Variants in KIAA1328 observed in about 807,000 individuals in gnomAD.
KIAA1328 encodes the protein KIAA1328, also known as protein hinderin.
A neutral mutation model predicts 68.1 loss-of-function variants in KIAA1328; 52 were observed. The ratio of observed to expected loss-of-function variants is 0.76; its 90% CI spans 0.61 to 0.96. KIAA1328 has a LOEUF of 0.96. Among genes scored for constraint, KIAA1328 ranks in the 40% least tolerant of loss-of-function variants. The pLI, the probability that KIAA1328 is intolerant of heterozygous loss-of-function variation, is 0.00. For synonymous variants in KIAA1328, 232 were observed against 239.4 expected (o/e 0.97, Z 0.28); for missense variants, 641 against 677.6 (o/e 0.95, Z 0.60).
rs549826361 is a variant in KIAA1328, at chr18:37,081,279, G to A, written c.1232+13734G>A. Among the ~76,000 whole-genome samples the A allele has an allele frequency of 7.9e-5, 12 of 152,070 alleles. No individual in the cohort carries two copies. In the East Asian group the frequency reaches 1.5e-3, roughly 20 times the overall value. On this transcript the variant is annotated intron_variant, in intron 7 of 9. Coordinates refer to ENST00000280020, the MANE Select transcript of KIAA1328 (RefSeq NM_020776.3). ...TTACAGGCATGAGCCACCGTGCCCCGCCAGGACATTTTTAATTGAACAGCT... is the reference window on the plus strand; with the variant it reads ...TTACAGGCATGAGCCACCGTGCCCCACCAGGACATTTTTAATTGAACAGCT...
chr18:37,128,494 C>G (rs1416154601), intron 7 of KIAA1328, among the ~76,000 whole-genome samples: 1 of 152,096 alleles, frequency 6.6e-6, no homozygotes, highest in Non-Finnish European at 1.5e-5. Flanking sequence ...AATCACTAAT[C>G]ATACCACACC....
chr18:36,841,288 A>G (rs1194177582), intron 3 of KIAA1328, among the ~76,000 whole-genome samples: 2 of 151,890 alleles, frequency 1.3e-5, no homozygotes, highest in Admixed American at 6.6e-5. Context: ...CCTACTATTC[A>G]TCAGGAAGTA....
intron 7 of KIAA1328, among the ~76,000 whole-genome samples, chr18:37,155,404 C>T (rs2154210568): frequency 6.6e-6 from 1 of 152,264 alleles, no homozygotes; most frequent in African/African-American, 2.4e-5. Context: ...CCCAATCCTC[C>T]TCTGTATTGC....
chr18:36,829,233 C>G, intron 1 of KIAA1328, 37 bp downstream of exon 1: 1 of 1,487,588 alleles, frequency 6.7e-7, no homozygotes, highest in Middle Eastern at 1.8e-4. Flanking sequence ...CGCCGGCGCC[C>G]TCCACGGGAC....
At chr18:36,941,549 T>C (rs1345380000) in intron 5 of KIAA1328, among the ~76,000 whole-genome samples, 3 of 152,116 alleles carry the variant, frequency 2.0e-5, no homozygotes, top group African/African-American at 7.2e-5. Flanking sequence ...GAGCTGAGAC[T>C]GCGCCACTGC....
chr18:36,847,082 T>A lies in KIAA1328; in HGVS notation c.332+2780T>A, dbSNP rs146076033. On this transcript the variant is annotated intron_variant, in intron 4 of 9. Coordinates refer to ENST00000280020, the MANE Select transcript of KIAA1328 (RefSeq NM_020776.3). ...TACAGCATAATGTTTTTAGTTGTTTTCAAGTTGTTGTGTATGAGTACTCAT... is the reference window on the plus strand; with the variant it reads ...TACAGCATAATGTTTTTAGTTGTTTACAAGTTGTTGTGTATGAGTACTCAT... Among the ~76,000 whole-genome samples the A allele has an allele frequency of 2.6e-5, 4 of 151,710 alleles. No individual in the cohort carries two copies. In the East Asian group the frequency reaches 7.7e-4, roughly 29 times the overall value.
intron 7 of KIAA1328, among the ~76,000 whole-genome samples, chr18:37,105,916 CAAA>C (rs58940699): frequency 3.5e-3 from 68 of 19,484 alleles, no homozygotes; most frequent in African/African-American, 6.1e-3. Context: ...GACTCTGTGT[CAAA>C]AAAAAAAAAA....
intron 6 of KIAA1328, among the ~76,000 whole-genome samples, chr18:37,017,286 T>C (rs976227645): frequency 3.9e-5 from 6 of 152,128 alleles, no homozygotes; most frequent in African/African-American, 1.4e-4. Flanking sequence ...TCTTCTGATA[T>C]TATAATAATT....
intron 9 of KIAA1328, among the ~76,000 whole-genome samples, chr18:37,211,639 A>G (rs984359639): frequency 2.9e-4 from 44 of 152,214 alleles, no homozygotes; most frequent in African/African-American, 9.7e-4. Context: ...AGCCATTGGA[A>G]TTCTGAAGGT....
In KIAA1328 at chr18:37,183,448, T is replaced by C. The variant is rs547993082; in HGVS notation, c.1523+10367T>C. Among the ~76,000 whole-genome samples the C allele has an allele frequency of 2.0e-5, 3 of 152,354 alleles. No individual in the cohort carries two copies. The South Asian group carries it at 6.2e-4, about 32-fold the overall frequency. ...TTTTCAAAAAGACTCTGATGCACTT[T>C]GTCTAAAGACACATATTTGGAAGCC... On this transcript the variant is annotated intron_variant, in intron 9 of 9. Transcript: ENST00000280020.
At chr18:37,116,946 C>G (rs2058126772) in intron 7 of KIAA1328, among the ~76,000 whole-genome samples, 1 of 152,164 alleles carries the variant, frequency 6.6e-6, no homozygotes, top group South Asian at 2.1e-4. Flanking sequence ...AAATGCAAAT[C>G]AAAACCACAA....
chr18:37,222,212 T>C lies in KIAA1328; in HGVS notation c.1719T>C (p.Asp573=), dbSNP rs1599638981. The change falls in exon 10 of 10, where the codon GAT becomes GAC. Residue 573 remains aspartate, a synonymous_variant. Coordinates refer to ENST00000280020, the MANE Select transcript of KIAA1328 (RefSeq NM_020776.3). ...TGGAGGAGAATCAGATTCTGGAAGA[T>C]ATATTTTTCATTTGACATATTGCAA... ...EELEENQILE[D]IFFI The C allele has an allele frequency of 6.4e-7, 1 of 1,566,572 alleles. No individual in the cohort carries two copies.
chr18:37,221,744 T>C (rs984250143), intron 9 of KIAA1328, among the ~76,000 whole-genome samples: 2 of 152,196 alleles, frequency 1.3e-5, no homozygotes, highest in African/African-American at 4.8e-5. Context: ...ACTGTTATCA[T>C]GATTACTCTT....
intron 9 of KIAA1328, among the ~76,000 whole-genome samples, chr18:37,175,589 A>G (rs2059584002): frequency 6.6e-6 from 1 of 152,166 alleles, no homozygotes; most frequent in Admixed American, 6.5e-5. Flanking sequence ...CACGAATTGC[A>G]GAGTTAAAAA....
At chr18:37,136,503 A>C (rs1344188425) in intron 7 of KIAA1328, among the ~76,000 whole-genome samples, 1 of 152,248 alleles carries the variant, frequency 6.6e-6, no homozygotes, top group Non-Finnish European at 1.5e-5. Flanking sequence ...CAATACAAGA[A>C]AGAGCTAACA....
At chr18:37,020,026 C>T (rs945348333) in intron 6 of KIAA1328, among the ~76,000 whole-genome samples, 8 of 152,082 alleles carry the variant, frequency 5.3e-5, no homozygotes, top group African/African-American at 1.7e-4. Context: ...TGCCTCAGCA[C>T]GGAGCAGAGG....
intron 6 of KIAA1328, among the ~76,000 whole-genome samples, chr18:37,003,187 C>A (rs1448164900): frequency 2.6e-5 from 4 of 152,016 alleles, no homozygotes; most frequent in Non-Finnish European, 5.9e-5. Flanking sequence ...ACACAAAAAT[C>A]AACTCAAAAT....
At chr18:37,169,171 T>TA (rs1350564989) in intron 8 of KIAA1328, among the ~76,000 whole-genome samples, 48 of 142,152 alleles carry the variant, frequency 3.4e-4, no homozygotes, top group Non-Finnish European at 4.9e-4. Context: ...TTTATTTATA[T>TA]TTTTTTTTTT....
intron 8 of KIAA1328, among the ~76,000 whole-genome samples, chr18:37,170,583 A>G (rs1475352145): frequency 1.3e-5 from 2 of 152,138 alleles, no homozygotes; most frequent in African/African-American, 2.4e-5. Context: ...ATTGTTTCCT[A>G]TCAAAGAATC....
Sources: gnomAD v4.1 joint callset for allele counts (sites outside exome capture counted in the v4.1 genomes callset) on GRCh38, gnomAD v4.1.1 for gene constraint, MANE v1.5 for transcripts, NCBI Gene and HGNC (gene_info 2026-07-23, HGNC 2026-07-21) for gene names.